Variants in CASZ1 observed in about 807,000 individuals in gnomAD.
The protein encoded by CASZ1 is castor zinc finger 1.
CASZ1 carries 28 observed loss-of-function variants against 135.2 expected under a neutral mutation model. The observed-to-expected ratio is 0.21, with a 90% confidence interval of 0.15 to 0.28. The LOEUF (loss-of-function observed/expected upper bound fraction) is 0.28. Among genes scored for constraint, CASZ1 ranks in the 10% least tolerant of loss-of-function variants. CASZ1 has a pLI of 1.00. For missense variants in CASZ1, 2,161 were observed against 2,453.3 expected (o/e 0.88, Z 2.52); for synonymous variants, 1,068 against 1,073.4 (o/e 0.99, Z 0.10).
intron 4 of CASZ1, among the ~76,000 whole-genome samples, chr1:10,685,378 G>A (rs1277036032): frequency 6.6e-6 from 1 of 152,204 alleles, no homozygotes; most frequent in Non-Finnish European, 1.5e-5. Flanking sequence ...GAAAAACCTC[G>A]GCAGCTGGGG....
At chr1:10,656,799 GC>G in intron 7 of CASZ1, 63 bp from the exon 8 acceptor site, 1 of 1,091,318 alleles carries the variant, frequency 9.2e-7, no homozygotes, top group Non-Finnish European at 1.4e-6. Flanking sequence ...CCCAGCCCCA[GC>G]CCCAGCCCCA....
At chr1:10,731,341 G>T (rs2100508779) in intron 2 of CASZ1, among the ~76,000 whole-genome samples, 1 of 152,260 alleles carries the variant, frequency 6.6e-6, no homozygotes, top group East Asian at 1.9e-4. Flanking sequence ...TCAGCACTTT[G>T]GGAGGCCGAA....
At chr1:10,695,938 C>T (rs540101890) in intron 3 of CASZ1, among the ~76,000 whole-genome samples, 5 of 152,232 alleles carry the variant, frequency 3.3e-5, no homozygotes, top group South Asian at 4.1e-4. Flanking sequence ...CTGCCCTCCT[C>T]GCCTCTCCCA....
At chr1:10,740,773 A>T (rs1235601524) in intron 2 of CASZ1, among the ~76,000 whole-genome samples, 1 of 152,048 alleles carries the variant, frequency 6.6e-6, no homozygotes, top group Non-Finnish European at 1.5e-5. Flanking sequence ...ATACAGTGAG[A>T]CCCTGTGTCT....
intron 2 of CASZ1, among the ~76,000 whole-genome samples, chr1:10,743,354 A>ACTACAT (rs1037031327): frequency 1.3e-5 from 2 of 151,254 alleles, no homozygotes; most frequent in African/African-American, 4.8e-5. Flanking sequence ...GGAGAAGGAG[A>ACTACAT]CTACATCTCC....
At chr1:10,775,032 T>C (rs1640638237) in intron 1 of CASZ1, among the ~76,000 whole-genome samples, 1 of 148,052 alleles carries the variant, frequency 6.8e-6, no homozygotes, top group Non-Finnish European at 1.5e-5. Flanking sequence ...AGACCTAGGG[T>C]TGGGGCTGGA....
intron 1 of CASZ1, among the ~76,000 whole-genome samples, chr1:10,784,715 C>A (rs543854215): frequency 6.6e-6 from 1 of 152,276 alleles, no homozygotes; most frequent in African/African-American, 2.4e-5. Flanking sequence ...AGGCTTCCAC[C>A]ACCATACCCG....
At chr1:10,680,472 T>C (rs1638378505) in intron 4 of CASZ1, among the ~76,000 whole-genome samples, 1 of 152,186 alleles carries the variant, frequency 6.6e-6, no homozygotes, top group South Asian at 2.1e-4. Flanking sequence ...AAATATATCC[T>C]GAGCAGCTAC....
In CASZ1 at chr1:10,755,780, G is replaced by A. The variant is rs1216634767; in HGVS notation, c.-77+4921C>T. Among the ~76,000 whole-genome samples the A allele has an allele frequency of 2.6e-5, 4 of 152,100 alleles. No individual in the cohort carries two copies. The highest frequency in any genetic ancestry group is 6.5e-5 in the Admixed American group (1 of 15,282). ...CCAGCCACATCTCTGCCCAGCCCAA[G>A]GCAACCTTGGGGTCTACCCATCCTC... On this transcript the variant is annotated intron_variant, in intron 2 of 20. Transcript: ENST00000377022. This position sits in a 1 kb window ranked among gnomAD's most constrained non-coding sequence, Gnocchi z 4.3.
Position 10,777,518 on chromosome 1 carries a change from G to A in CASZ1, c.-233-16661C>T, listed in dbSNP as rs114397969. On this transcript the variant is annotated intron_variant, in intron 1 of 20. Transcript: ENST00000377022. This position sits in a 1 kb window ranked among gnomAD's most constrained non-coding sequence, Gnocchi z 4.4. ...GTAGGCCTGGGGCAGGGGACCAAGT[G>A]ATACGCGAAAAACAGACGGAAGACC... 3.0e-4 allele frequency among the ~76,000 whole-genome samples: 45 copies of A among 152,330 alleles called. No individual in the cohort carries two copies. Among genetic ancestry groups the A allele is most frequent in the African/African-American group, 1.1e-3 (44 of 41,570 alleles).
intron 2 of CASZ1, among the ~76,000 whole-genome samples, chr1:10,758,490 C>G (rs796505378): frequency 2.0e-5 from 3 of 152,280 alleles, no homozygotes; most frequent in African/African-American, 7.2e-5. Flanking sequence ...CACCACTATA[C>G]ACGGCTAATT....
intron 6 of CASZ1, among the ~76,000 whole-genome samples, chr1:10,658,877 C>T (rs1030234787): frequency 5.3e-5 from 8 of 152,214 alleles, no homozygotes; most frequent in East Asian, 3.9e-4. Context: ...ATCAGGAGGC[C>T]GCTGGCTGAG....
intron 20 of CASZ1, 157 bp from the exon 21 acceptor site, chr1:10,640,216 G>T: frequency 2.9e-6 from 3 of 1,045,040 alleles, no homozygotes; most frequent in Non-Finnish European, 4.1e-6. Flanking sequence ...CTCCTGCCCC[G>T]CCCCCTCCCT....
In CASZ1 at chr1:10,777,565, G is replaced by GCTA. The variant is rs1486877465; in HGVS notation, c.-233-16711_-233-16709dup. 1.3e-5 allele frequency among the ~76,000 whole-genome samples: 2 copies of GCTA among 152,080 alleles called. No individual in the cohort carries two copies. Among genetic ancestry groups the GCTA allele is most frequent in the Non-Finnish European group, 2.9e-5 (2 of 68,004 alleles). Reference sequence around the variant, plus strand: ...GACCCCGTTAATTTTACTCTGCCCGGCTACTACAACGAGGGGGAAAGAAGC... The same window carrying GCTA: ...GACCCCGTTAATTTTACTCTGCCCGGCTACTACTACAACGAGGGGGAAAGAAGC... On this transcript the variant is annotated intron_variant, in intron 1 of 20. Coordinates refer to ENST00000377022, the MANE Select transcript of CASZ1 (RefSeq NM_001079843.3). This position sits in a 1 kb window ranked among gnomAD's most constrained non-coding sequence, Gnocchi z 4.4.
At chr1:10,683,441 C>T (rs546208821) in intron 4 of CASZ1, among the ~76,000 whole-genome samples, 5 of 152,278 alleles carry the variant, frequency 3.3e-5, no homozygotes, top group African/African-American at 9.6e-5. Flanking sequence ...GCCCCATCAC[C>T]TCTAGTAGCA....
Position 10,755,389 on chromosome 1 carries a change from A to G in CASZ1, c.-77+5312T>C, listed in dbSNP as rs1268807412. ...TGTGAGACCTGACGTCGCCTCTCCAATGCCAGCCTCTCTCACTGTGGGCAC... is the reference window on the plus strand; with the variant it reads ...TGTGAGACCTGACGTCGCCTCTCCAGTGCCAGCCTCTCTCACTGTGGGCAC... On this transcript the variant is annotated intron_variant, in intron 2 of 20. Transcript: ENST00000377022. This position sits in a 1 kb window ranked among gnomAD's most constrained non-coding sequence, Gnocchi z 4.3. Among the ~76,000 whole-genome samples, 1 of 152,160 alleles carries G rather than the reference A, an allele frequency of 6.6e-6. No individual in the cohort carries two copies. Among genetic ancestry groups the G allele is most frequent in the African/African-American group, 2.4e-5 (1 of 41,430 alleles).
chr1:10,795,656 G>C (rs1471369201), intron 1 of CASZ1, among the ~76,000 whole-genome samples: 1 of 152,238 alleles, frequency 6.6e-6, no homozygotes, highest in African/African-American at 2.4e-5. Context: ...GCTCTGGGCC[G>C]ATGCCCCGGC....
intron 20 of CASZ1, 48 bp from the exon 21 acceptor site, chr1:10,640,107 A>G (rs1420441660): frequency 5.8e-6 from 9 of 1,560,982 alleles, no homozygotes; most frequent in Non-Finnish European, 6.9e-6. Context: ...CCACGTGGGC[A>G]CCATCAACAG....
rs1639470638 is a variant in CASZ1, at chr1:10,720,170, A to G, written c.-76-14626T>C. On this transcript the variant is annotated intron_variant, in intron 2 of 20. Coordinates refer to ENST00000377022, the MANE Select transcript of CASZ1 (RefSeq NM_001079843.3). This position sits in a 1 kb window ranked among gnomAD's most constrained non-coding sequence, Gnocchi z 5.7. ...CCGAGGTTCAATTTCCTTGTCTATA[A>G]AATGCACGCGATGATCGTGCCTGTC... is the stretch of plus-strand genomic sequence containing the variant. Among the ~76,000 whole-genome samples the G allele has an allele frequency of 6.6e-6, 1 of 152,196 alleles. No homozygotes were observed. The highest frequency in any genetic ancestry group is 1.5e-5 in the Non-Finnish European group (1 of 68,046).
Sources: allele counts gnomAD v4.1 joint callset (sites outside exome capture counted in the v4.1 genomes callset), GRCh38; gene constraint gnomAD v4.1.1; non-coding constraint Gnocchi (gnomAD v3.1); transcripts MANE v1.5; gene names NCBI Gene and HGNC (gene_info 2026-07-23, HGNC 2026-07-21).